The following EML1 variants were observed in gnomAD, a reference collection of about 807,000 sequenced individuals.
EML1 encodes the protein echinoderm microtubule-associated protein-like 1.
Under a neutral mutation model 110.4 loss-of-function variants are expected in EML1, and 27 were observed. That is an observed-to-expected ratio of 0.24 (90% CI 0.18 to 0.34). EML1 has a LOEUF of 0.34. EML1 is among the 10% of genes least tolerant of loss of function. The probability of loss-of-function intolerance (pLI) is 1.00; values close to 1 mark genes in which losing one functional copy is unlikely to be tolerated. For missense variants in EML1, 741 were observed against 1,030.9 expected, an observed-to-expected ratio of 0.72 and a Z score of 3.85; for synonymous variants, 344 against 385.8, an observed-to-expected ratio of 0.89 and a Z score of 1.27.
At chr14:99,757,195 T>C (rs4900444) in intron 1 of EML1, among the ~76,000 whole-genome samples, 145,329 of 152,250 alleles carry the variant, frequency 0.95, 69,467 homozygotes, top group East Asian at 1. Flanking sequence ...CAAAATTAGC[T>C]GGGTGTGGTG....
intron 1 of EML1, among the ~76,000 whole-genome samples, chr14:99,739,484 G>A (rs931557782): frequency 5.3e-5 from 8 of 152,206 alleles, no homozygotes; most frequent in African/African-American, 1.9e-4. Flanking sequence ...GCTGGGAGGT[G>A]ACGTGGGCCT....
Position 99,738,606 on chromosome 14 carries a change from G to A in EML1, c.28+746G>A, listed in dbSNP as rs370400187. ...ATTCCAGTTATTTCACCTCCAGGCTGGGTGGTCTTGGGCAGGTAGCTTAAC... is the reference window on the plus strand; with the variant it reads ...ATTCCAGTTATTTCACCTCCAGGCTAGGTGGTCTTGGGCAGGTAGCTTAAC... On this transcript the variant is annotated intron_variant, in intron 1 of 10. Coordinates refer to the EML1 transcript ENST00000554479. 8.5e-5 allele frequency among the ~76,000 whole-genome samples: 13 copies of A among 152,346 alleles called. No homozygotes were observed. In the East Asian group the frequency reaches 1.4e-3, roughly 16 times the overall value.
At chr14:99,792,667 T>C (rs145159693), upstream of EML1, 2 of 152,342 alleles carry the variant, frequency 1.3e-5, no homozygotes, top group South Asian at 2.1e-4. Flanking sequence ...GGGCTGATCA[T>C]AGAGAAACCA....
chr14:99,883,080 A>C (rs965402509), intron 4 of EML1, among the ~76,000 whole-genome samples: 4 of 152,136 alleles, frequency 2.6e-5, no homozygotes, highest in African/African-American at 4.8e-5. Flanking sequence ...TCGGCTCAAC[A>C]GTACTCCTTG....
At chr14:99,803,844 A>G (rs968665049) in intron 1 of EML1, among the ~76,000 whole-genome samples, 1 of 152,244 alleles carries the variant, frequency 6.6e-6, no homozygotes, top group African/African-American at 2.4e-5. Flanking sequence ...GGACTCTCTT[A>G]TACTGCAGCA....
intron 1 of EML1, among the ~76,000 whole-genome samples, chr14:99,811,162 AG>A (rs148478123): frequency 0.015 from 2,259 of 146,174 alleles, 49 homozygotes; most frequent in African/African-American, 0.051. Context: ...CATGTATAAT[AG>A]GGGTTTTTTT....
intron 1 of EML1, chr14:99,850,433 G>T: frequency 2.0e-6 from 2 of 977,570 alleles, no homozygotes; most frequent in South Asian, 1.4e-5. Flanking sequence ...CCTTGTGATT[G>T]TATGACCTAC....
intron 1 of EML1, among the ~76,000 whole-genome samples, chr14:99,785,902 G>A (rs2057593694): frequency 6.6e-6 from 1 of 152,012 alleles, no homozygotes; most frequent in Non-Finnish European, 1.5e-5. Flanking sequence ...TGGCTGGGGA[G>A]GCATCCAGTG....
At chr14:99,854,604 G>A (rs1252818203) in intron 2 of EML1, among the ~76,000 whole-genome samples, 1 of 152,170 alleles carries the variant, frequency 6.6e-6, no homozygotes, top group Non-Finnish European at 1.5e-5. Flanking sequence ...GAGCTCCCCA[G>A]ACTCTGCTTT....
intron 5 of EML1, 70 bp from the exon 6 acceptor site, chr14:99,894,559 G>T (rs1384795605): frequency 1.6e-5 from 24 of 1,538,918 alleles, no homozygotes; most frequent in Admixed American, 1.4e-4. Context: ...AGGCTAGAGA[G>T]GATAAAGCAT....
At position 99,855,707 on chromosome 14, in the gene EML1, T is replaced by G. The variant is rs145141581; in HGVS notation, c.250+4672T>G. On this transcript the variant is annotated intron_variant, in intron 2 of 21. Coordinates refer to ENST00000262233, the MANE Select transcript of EML1 (RefSeq NM_004434.3). Reference sequence around the variant, plus strand: ...TAATATGAAATACTTTAATATGCCTTTGCAACTTTTACAATCAGTTATACC... The same window carrying G: ...TAATATGAAATACTTTAATATGCCTGTGCAACTTTTACAATCAGTTATACC... 1.4e-3 allele frequency among the ~76,000 whole-genome samples: 217 copies of G among 152,320 alleles called. 1 individual carries two copies. The highest frequency in any genetic ancestry group is 4.8e-3 in the African/African-American group (200 of 41,558).
At chr14:99,754,737 T>C (rs945063675) in intron 1 of EML1, among the ~76,000 whole-genome samples, 3 of 152,192 alleles carry the variant, frequency 2.0e-5, no homozygotes, top group African/African-American at 7.2e-5. Flanking sequence ...AGCACGTCTC[T>C]CAGCCTCGCC....
intron 2 of EML1, among the ~76,000 whole-genome samples, chr14:99,851,774 C>A (rs770625449): frequency 1.2e-4 from 18 of 152,144 alleles, no homozygotes; most frequent in Non-Finnish European, 2.4e-4. Context: ...TAGCAACACT[C>A]GATCATATGC....
At chr14:99,919,419 C>T (rs2060090861) in intron 16 of EML1, among the ~76,000 whole-genome samples, 1 of 48,578 alleles carries the variant, frequency 2.1e-5, no homozygotes. Context: ...CATACGCATG[C>T]ACACAGACAC....
intron 1 of EML1, among the ~76,000 whole-genome samples, chr14:99,752,359 G>A (rs60871974): frequency 0.02 from 3,006 of 152,268 alleles, 112 homozygotes; most frequent in African/African-American, 0.068. Flanking sequence ...CATCACCAAC[G>A]CCAGGGTCGC....
At chr14:99,808,694 C>T (rs1039518547) in intron 1 of EML1, among the ~76,000 whole-genome samples, 5 of 152,180 alleles carry the variant, frequency 3.3e-5, no homozygotes, top group Non-Finnish European at 5.9e-5. Flanking sequence ...AGAGATGATA[C>T]AGTTTACACA....
intron 3 of EML1, 21 bp from the exon 4 acceptor site, chr14:99,878,464 T>G (rs1325239461): frequency 6.3e-7 from 1 of 1,597,452 alleles, no homozygotes; most frequent in African/African-American, 1.4e-5. Flanking sequence ...GAGTTCACTG[T>G]CACTTCCATT....
chr14:99,738,596 C>T (rs1377615952), intron 1 of EML1, among the ~76,000 whole-genome samples: 1 of 152,232 alleles, frequency 6.6e-6, no homozygotes, highest in Non-Finnish European at 1.5e-5. Flanking sequence ...AGTTATTTCA[C>T]CTCCAGGCTG....
intron 1 of EML1, among the ~76,000 whole-genome samples, chr14:99,799,210 A>G (rs2057830609): frequency 6.6e-6 from 1 of 152,202 alleles, no homozygotes; most frequent in Admixed American, 6.5e-5. Context: ...TGAGCGACTG[A>G]AGTTTATTTT....
Sources: allele counts gnomAD v4.1 joint callset (sites outside exome capture counted in the v4.1 genomes callset), GRCh38; gene constraint gnomAD v4.1.1; transcripts MANE v1.5; gene names NCBI Gene and HGNC (gene_info 2026-07-23, HGNC 2026-07-21).